The following PTPRF variants were observed in gnomAD, a reference collection of about 807,000 sequenced individuals.
PTPRF encodes the protein protein tyrosine phosphatase receptor type F.
A neutral mutation model predicts 201.8 loss-of-function variants in PTPRF; 59 were observed. The ratio of observed to expected loss-of-function variants is 0.29; its 90% CI spans 0.24 to 0.36. The LOEUF (loss-of-function observed/expected upper bound fraction) is 0.36. Ranked by LOEUF, PTPRF falls within the 10% of genes least tolerant of loss-of-function variation. The pLI is 1.00. For missense variants in PTPRF, 2,132 were observed against 2,690.5 expected (o/e 0.79, Z 4.59); for synonymous variants, 1,088 against 1,089.7 (o/e 1.00, Z 0.03).
chr1:43,592,342 C>A, intron 10 of PTPRF, 115 bp from the exon 11 acceptor site: 1 of 1,301,500 alleles, frequency 7.7e-7, no homozygotes, highest in Non-Finnish European at 1.1e-6. Flanking sequence ...TGGTGTGGAG[C>A]CAGTCCTGGA....
intron 1 of PTPRF, among the ~76,000 whole-genome samples, chr1:43,532,419 G>C (rs940946498): frequency 7.9e-5 from 12 of 152,242 alleles, no homozygotes; most frequent in Admixed American, 1.3e-4. Flanking sequence ...CGGGAGGCTG[G>C]ATTAGGTTGA....
intron 5 of PTPRF, among the ~76,000 whole-genome samples, chr1:43,560,271 G>A (rs1007467984): frequency 1.9e-4 from 29 of 151,626 alleles, no homozygotes; most frequent in East Asian, 9.7e-4. Flanking sequence ...GTGTACATGC[G>A]CACACGCAAC....
Position 43,588,254 on chromosome 1 carries a change from C to T in PTPRF, c.680-477C>T, listed in dbSNP as rs1649686652. On this transcript the variant is annotated intron_variant, in intron 7 of 33. Coordinates refer to ENST00000359947, the MANE Select transcript of PTPRF (RefSeq NM_002840.5). This position sits in a 1 kb window ranked among gnomAD's most constrained non-coding sequence, Gnocchi z 5.3. The stretch of plus-strand genomic sequence containing the variant: ...CTCCACGGCAGGTGGCTGTGTCCCT[C>T]TGGACTGGCCTTCTGCTCTGCCCAG... Among the ~76,000 whole-genome samples, 1 of 152,194 alleles carries T rather than the reference C, an allele frequency of 6.6e-6. No individual in the cohort carries two copies. Among genetic ancestry groups the T allele is most frequent in the African/African-American group, 2.4e-5 (1 of 41,446 alleles).
At chr1:43,569,399 C>T (rs1456490519) in intron 5 of PTPRF, among the ~76,000 whole-genome samples, 191 bp from the exon 6 acceptor site, 3 of 152,202 alleles carry the variant, frequency 2.0e-5, no homozygotes, top group Non-Finnish European at 4.4e-5. Context: ...CCCACTGCAG[C>T]CTCTGCCCTG....
At chr1:43,605,738 T>G in intron 19 of PTPRF, 116 bp downstream of exon 19, 2 of 1,035,298 alleles carry the variant, frequency 1.9e-6, no homozygotes, top group Non-Finnish European at 1.5e-6. Flanking sequence ...TTGAAATCTC[T>G]CTTCTGGCTG....
intron 8 of PTPRF, among the ~76,000 whole-genome samples, chr1:43,590,157 C>T (rs573304643): frequency 4.1e-4 from 63 of 152,316 alleles, no homozygotes; most frequent in Admixed American, 9.8e-4. Flanking sequence ...CTGGCCCCTT[C>T]TGTCACTGGC....
intron 23 of PTPRF, among the ~76,000 whole-genome samples, chr1:43,614,622 G>T (rs1443295800): frequency 6.6e-6 from 1 of 152,124 alleles, no homozygotes. Context: ...AGGCCGAGGC[G>T]GGTGGATCAC....
At chr1:43,602,265 T>C (rs1653946717) in intron 14 of PTPRF, among the ~76,000 whole-genome samples, 168 bp downstream of exon 14, 1 of 152,224 alleles carries the variant, frequency 6.6e-6, no homozygotes, top group African/African-American at 2.4e-5. Flanking sequence ...TGAGCAGCGA[T>C]TGGCATTTCC....
At chr1:43,566,996 A>G (rs1466585840) in intron 5 of PTPRF, among the ~76,000 whole-genome samples, 1 of 152,214 alleles carries the variant, frequency 6.6e-6, no homozygotes, top group Non-Finnish European at 1.5e-5. Context: ...TAAGGAATTC[A>G]GAGTAGATTC....
At chr1:43,540,227 C>T (rs1203454525) in intron 2 of PTPRF, among the ~76,000 whole-genome samples, 3 of 152,206 alleles carry the variant, frequency 2.0e-5, no homozygotes, top group Admixed American at 6.5e-5. Flanking sequence ...TGTCTCCAGT[C>T]GTTGCGTAAT....
rs781088067 is a variant in PTPRF, at chr1:43,591,243, C to G, written c.1221C>G (p.Arg407=). The change falls in exon 9 of 34, where the codon CGC becomes CGG. Residue 407 remains arginine, a synonymous_variant. Transcript: ENST00000359947. ...RGPPSEAVRA[R]TGEQAPSSPP... is the part of the protein sequence containing the mutation. ...CGCCCAGCGAGGCAGTGCGGGCACG[C>G]ACGGGAGAACAGGCGCCCTCCAGCC... The G allele has an allele frequency of 6.3e-7, 1 of 1,590,914 alleles. No homozygotes were observed. The highest frequency in any genetic ancestry group is 8.5e-7 in the Non-Finnish European group (1 of 1,170,204).
intron 22 of PTPRF, chr1:43,613,159 T>G (rs1656899806): frequency 4.1e-6 from 1 of 242,230 alleles, no homozygotes; most frequent in Non-Finnish European, 8.3e-6. Flanking sequence ...CTGTACTTCA[T>G]GACCACTCCA....
At chr1:43,604,281 TC>T in intron 16 of PTPRF, 92 bp downstream of exon 16, 1 of 1,317,752 alleles carries the variant, frequency 7.6e-7, no homozygotes, top group Non-Finnish European at 1.0e-6. Flanking sequence ...GCGACTGTGA[TC>T]CACCAGCCTC....
At chr1:43,548,823 G>C (rs1429644433) in intron 3 of PTPRF, among the ~76,000 whole-genome samples, 3 of 152,182 alleles carry the variant, frequency 2.0e-5, no homozygotes, top group Non-Finnish European at 4.4e-5. Context: ...TCATGGCCCT[G>C]CCTCCGTGTG....
chr1:43,530,732 T>C (rs1643356633), upstream of PTPRF: 2 of 152,662 alleles, frequency 1.3e-5, no homozygotes, highest in Admixed American at 1.3e-4. This position sits in a 1 kb window ranked among gnomAD's most constrained non-coding sequence, Gnocchi z 4.1. Flanking sequence ...CGACTTGGCG[T>C]TGGGTTGTGG....
At chr1:43,578,458 G>C (rs1429578910) in intron 6 of PTPRF, among the ~76,000 whole-genome samples, 1 of 152,220 alleles carries the variant, frequency 6.6e-6, no homozygotes, top group Non-Finnish European at 1.5e-5. Flanking sequence ...GCGGGGCCAG[G>C]AACACTAACA....
chr1:43,618,580 C>G, intron 25 of PTPRF, 50 bp from the exon 26 acceptor site: 1 of 1,567,488 alleles, frequency 6.4e-7, no homozygotes, highest in African/African-American at 1.3e-5. Flanking sequence ...TGCTTCTGCC[C>G]GTCTGAGCCT....
chr1:43,523,391 T>G (rs1643010003), upstream of PTPRF, among the ~76,000 whole-genome samples: 1 of 151,696 alleles, frequency 6.6e-6, no homozygotes. Context: ...GAGTCCACAG[T>G]AAGAAGGGGA....
rs1644676202 is a variant in PTPRF at position 43,546,381 on chromosome 1, G to A, written c.91+1215G>A. Among the ~76,000 whole-genome samples, 1 of 152,038 alleles carries A rather than the reference G, an allele frequency of 6.6e-6. No homozygotes were observed. Among genetic ancestry groups the A allele is most frequent in the Non-Finnish European group, 1.5e-5 (1 of 67,982 alleles). ...AGAGGGCTGGGCAGGTGAGAGCAAG[G>A]AAAAAAGACAGGTGGGGAATCACAT... On this transcript the variant is annotated intron_variant, in intron 3 of 33. Coordinates refer to ENST00000359947, the MANE Select transcript of PTPRF (RefSeq NM_002840.5). The surrounding 1 kb of genome is among the most constrained non-coding windows in gnomAD (Gnocchi z 4.2).
Sources: gnomAD v4.1 joint callset for allele counts (sites outside exome capture counted in the v4.1 genomes callset) on GRCh38, gnomAD v4.1.1 for gene constraint, Gnocchi (gnomAD v3.1) non-coding constraint, MANE v1.5 for transcripts, NCBI Gene and HGNC (gene_info 2026-07-23, HGNC 2026-07-21) for gene names.